CCDC12: variants seen among roughly 807,000 people sequenced by gnomAD.
The protein encoded by CCDC12 is coiled-coil domain containing 12, also known as coiled-coil domain-containing protein 12.
CCDC12 carries 28 observed loss-of-function variants against 25.7 expected under a neutral mutation model. That is an observed-to-expected ratio of 1.09 (90% CI 0.81 to 1.50). CCDC12 has a LOEUF of 1.50. CCDC12 is among the 40% of genes most tolerant of loss of function. The pLI is 0.00. For missense variants in CCDC12, 198 were observed against 210.0 expected (o/e 0.94, Z 0.35); for synonymous variants, 75 against 87.7 (o/e 0.86, Z 0.81).
At chr3:46,952,074 T>C (rs1575554620) in intron 1 of CCDC12, among the ~76,000 whole-genome samples, 1 of 151,854 alleles carries the variant, frequency 6.6e-6, no homozygotes, top group Non-Finnish European at 1.5e-5. Flanking sequence ...CCCAGACATA[T>C]GATTCTACCT....
chr3:46,968,641 G>C (rs929128696), intron 1 of CCDC12, among the ~76,000 whole-genome samples: 2 of 152,144 alleles, frequency 1.3e-5, no homozygotes, highest in Non-Finnish European at 2.9e-5. Flanking sequence ...GTTTAAATCA[G>C]ATCTGTCTCC....
At chr3:46,972,783 A>G (rs796716489) in intron 1 of CCDC12, among the ~76,000 whole-genome samples, 3 of 151,306 alleles carry the variant, frequency 2.0e-5, no homozygotes, top group African/African-American at 7.3e-5. Flanking sequence ...TAAAAAAAAA[A>G]AAAGAAAGAA....
chr3:46,958,035 A>C (rs2034353126), intron 1 of CCDC12, among the ~76,000 whole-genome samples: 1 of 151,796 alleles, frequency 6.6e-6, no homozygotes, highest in South Asian at 2.1e-4. Flanking sequence ...GCCCTTACAC[A>C]AAGGCTAGAA....
At chr3:46,929,042 G>T (rs2033097860) in intron 2 of CCDC12, among the ~76,000 whole-genome samples, 2 of 152,146 alleles carry the variant, frequency 1.3e-5, no homozygotes, top group Non-Finnish European at 2.9e-5. Flanking sequence ...CTGTATAAAA[G>T]AGTAATAACA....
At chr3:46,923,904 G>A in intron 3 of CCDC12, 1 of 397,420 alleles carries the variant, frequency 2.5e-6, no homozygotes, top group Non-Finnish European at 4.4e-6. Context: ...GCAGGAGGCA[G>A]CCAGCCACAG....
At chr3:46,967,253 T>C (rs370026525) in intron 1 of CCDC12, among the ~76,000 whole-genome samples, 14 of 152,294 alleles carry the variant, frequency 9.2e-5, no homozygotes, top group African/African-American at 3.1e-4. Context: ...CCTGGGCTCC[T>C]GCAGCTGCCT....
At chr3:46,977,056 A>G (rs55727789), upstream of CCDC12, 377 of 396,612 alleles carry the variant, frequency 9.5e-4, 3 homozygotes, top group African/African-American at 7.2e-3. Context: ...AGAAGGAGAA[A>G]AGAGTGCGTC....
At chr3:46,976,607 C>G (rs1403465034) in intron 1 of CCDC12, 30 bp downstream of exon 1, 1 of 1,597,978 alleles carries the variant, frequency 6.3e-7, no homozygotes, top group Non-Finnish European at 8.5e-7. Context: ...CTGGACGCCT[C>G]AACTGCGACC....
At position 46,976,585 on chromosome 3, in the gene CCDC12, G is replaced by A. The variant is rs1031784652; in HGVS notation, c.96+52C>T. 16 of 1,574,600 alleles carry A rather than the reference G, an allele frequency of 1.0e-5. No homozygotes were observed. The Admixed American group carries it at 1.3e-4, about 13-fold the overall frequency. On this transcript the variant is annotated intron_variant, in intron 1 of 6. Transcript: ENST00000683445. ...CCTTTGCTCTCCTCAAGCGCGACCC[G>A]GACCCCGAACGCTGGACGCCTCAAC...
At chr3:46,942,688 C>T (rs193112184) in intron 1 of CCDC12, among the ~76,000 whole-genome samples, 2 of 152,174 alleles carry the variant, frequency 1.3e-5, no homozygotes. Flanking sequence ...GAGAACAGAT[C>T]AACATGCCCC....
At position 46,976,745 on chromosome 3, in the gene CCDC12, C is replaced by T. The variant is rs747500403; in HGVS notation, c.-13G>A. On this transcript the variant is annotated 5_prime_UTR_variant, in exon 1 of 7. Transcript: ENST00000683445. ...TAGTTGCCTCCATCTTGCCCGCGTACGCCCCTCCTTTTCTCCCGTCTTGCA... is the reference window on the plus strand; with the variant it reads ...TAGTTGCCTCCATCTTGCCCGCGTATGCCCCTCCTTTTCTCCCGTCTTGCA... 3.1e-6 allele frequency: 5 copies of T among 1,598,940 alleles called. No homozygotes were observed. The South Asian group carries it at 4.5e-5, about 14-fold the overall frequency.
chr3:46,942,282 G>T (rs1468156862), intron 1 of CCDC12, among the ~76,000 whole-genome samples: 2 of 152,242 alleles, frequency 1.3e-5, no homozygotes, highest in South Asian at 2.1e-4. Context: ...TGGACTGAGA[G>T]GCCCCAAGAC....
chr3:46,941,196 C>G (rs548529089), intron 1 of CCDC12, 131 bp from the exon 2 acceptor site: 3 of 799,372 alleles, frequency 3.8e-6, no homozygotes, highest in South Asian at 2.8e-5. Context: ...GTGTCCCAGA[C>G]TCCAACAGGG....
At chr3:46,942,997 A>G (rs2033769336) in intron 1 of CCDC12, among the ~76,000 whole-genome samples, 1 of 152,150 alleles carries the variant, frequency 6.6e-6, no homozygotes, top group South Asian at 2.1e-4. Flanking sequence ...CAGGTAAGAC[A>G]GTCAAGGCAG....
intron 2 of CCDC12, among the ~76,000 whole-genome samples, chr3:46,938,328 T>C (rs1376088218): frequency 2.0e-5 from 3 of 152,168 alleles, no homozygotes; most frequent in Non-Finnish European, 4.4e-5. Flanking sequence ...GCAGGGCCTC[T>C]TTTATCTAGA....
intron 1 of CCDC12, among the ~76,000 whole-genome samples, chr3:46,956,991 T>C (rs941752878): frequency 6.6e-6 from 1 of 152,156 alleles, no homozygotes; most frequent in Admixed American, 6.5e-5. Context: ...AGTTATTCTA[T>C]GGGCTGCCCA....
chr3:46,940,987 A>G lies in CCDC12; in HGVS notation c.164+11T>C. 1 of 1,613,962 alleles carries G rather than the reference A, an allele frequency of 6.2e-7. No homozygotes were observed. Among genetic ancestry groups the G allele is most frequent in the South Asian group, 1.1e-5 (1 of 91,084 alleles). ...GAGAGAGCAGACCCTGGAGCTGCACACGGGCATTACCTGTGCTTCTCGCCT... is the reference window on the plus strand; with the variant it reads ...GAGAGAGCAGACCCTGGAGCTGCACGCGGGCATTACCTGTGCTTCTCGCCT... On this transcript the variant is annotated intron_variant, in intron 2 of 6. Coordinates refer to ENST00000683445, the MANE Select transcript of CCDC12 (RefSeq NM_001277074.2).
chr3:46,955,294 CG>C (rs2034253195), intron 1 of CCDC12, among the ~76,000 whole-genome samples: 1 of 152,162 alleles, frequency 6.6e-6, no homozygotes, highest in Non-Finnish European at 1.5e-5. Flanking sequence ...TGAATGTTTA[CG>C]GAGTCTCTGA....
chr3:46,934,249 C>T (rs1463123199), intron 2 of CCDC12, among the ~76,000 whole-genome samples: 1 of 152,242 alleles, frequency 6.6e-6, no homozygotes, highest in South Asian at 2.1e-4. Context: ...CCCTCACCCT[C>T]CCAGGGCCCA....
Sources: gnomAD v4.1 joint callset for allele counts (sites outside exome capture counted in the v4.1 genomes callset) on GRCh38, gnomAD v4.1.1 for gene constraint, MANE v1.5 for transcripts, NCBI Gene and HGNC (gene_info 2026-07-23, HGNC 2026-07-21) for gene names.